The following NKD2 variants were observed in gnomAD, a reference collection of about 807,000 sequenced individuals.
NKD2 encodes the protein protein naked cuticle homolog 2.
NKD2 carries 43 observed loss-of-function variants against 34.8 expected under a neutral mutation model. The ratio of observed to expected loss-of-function variants is 1.24; its 90% CI spans 0.97 to 1.60. NKD2 has a LOEUF of 1.60. Among genes scored for constraint, NKD2 ranks in the 40% most tolerant of loss-of-function variants. The pLI is 0.00. For missense variants in NKD2, 675 were observed against 627.1 expected (o/e 1.08, Z -0.82); for synonymous variants, 278 against 265.1 (o/e 1.05, Z -0.47).
intron 8 of NKD2, chr5:1,035,967 C>T (rs1579277023): frequency 2.2e-6 from 1 of 459,364 alleles, no homozygotes; most frequent in Non-Finnish European, 3.6e-6. Flanking sequence ...TACAGTGGTC[C>T]CAGAGTGGTG....
chr5:1,009,225 G>A lies in NKD2; in HGVS notation c.61+11G>A. On this transcript the variant is annotated intron_variant, in intron 2 of 9. Transcript: ENST00000296849. This position sits in a 1 kb window ranked among gnomAD's most constrained non-coding sequence, Gnocchi z 6.9. ...GAGAGAGCCCGGAAGGTGAGCGGGC[G>A]AGCCGACGGGCGGGGCGGGGGGCGG... 1 of 505,318 alleles carries A rather than the reference G, an allele frequency of 2.0e-6. No individual in the cohort carries two copies. The highest frequency in any genetic ancestry group is 3.4e-6 in the Non-Finnish European group (1 of 290,348). The allele number at this position is 505,318 out of a possible 1,614,324, so 31.3% of individuals were successfully genotyped here. A position where few individuals can be genotyped will look rare whatever the true frequency, so the allele number is the denominator to read the frequency against.
intron 5 of NKD2, 144 bp from the exon 6 acceptor site, chr5:1,034,091 C>T: frequency 1.6e-6 from 1 of 628,598 alleles, no homozygotes; most frequent in East Asian, 2.7e-5. Context: ...GCTTGAGCTC[C>T]AGCCACGCTG....
At chr5:1,029,437 C>T (rs908813501) in intron 3 of NKD2, among the ~76,000 whole-genome samples, 9 of 152,110 alleles carry the variant, frequency 5.9e-5, no homozygotes, top group Non-Finnish European at 1.3e-4. Flanking sequence ...TGGTGTAGCG[C>T]GCGGAGCGTT....
At chr5:1,037,602 G>T in intron 9 of NKD2, 1 of 1,535,974 alleles carries the variant, frequency 6.5e-7, no homozygotes, top group Non-Finnish European at 8.7e-7. Flanking sequence ...TTTGCAGGGA[G>T]CTGTGGAGCC....
At chr5:1,016,166 G>T (rs907771308) in intron 3 of NKD2, among the ~76,000 whole-genome samples, 1 of 152,378 alleles carries the variant, frequency 6.6e-6, no homozygotes, top group South Asian at 2.1e-4. Flanking sequence ...GGGACACACG[G>T]TGCTGACCTG....
At chr5:1,019,040 C>T (rs905046562) in intron 3 of NKD2, among the ~76,000 whole-genome samples, 5 of 152,170 alleles carry the variant, frequency 3.3e-5, no homozygotes, top group Admixed American at 3.3e-4. Flanking sequence ...AAGGGCATAG[C>T]GACCAGGCCA....
chr5:1,038,239 C>T lies in NKD2; in HGVS notation c.1222C>T (p.His408Tyr). ...ACACGCTCAGCCTGCCACAGTGGAG[C>T]ACGAGGTGGTGCGGGACCTGCCGCC... ...APHAQPATVE[H>Y]EVVRDLPPTP... The change falls in exon 10 of 10, where the codon CAC (histidine) becomes TAC (tyrosine). Residue 408 changes from histidine to tyrosine, a missense_variant. By Grantham distance (83) the His-to-Tyr change is moderately conservative (BLOSUM62 2). Coordinates refer to ENST00000296849, the MANE Select transcript of NKD2 (RefSeq NM_033120.4). This position sits in a 1 kb window ranked among gnomAD's most constrained non-coding sequence, Gnocchi z 4.5. 2 of 1,590,160 alleles carry T rather than the reference C, an allele frequency of 1.3e-6. No individual in the cohort carries two copies. The highest frequency in any genetic ancestry group is 1.7e-6 in the Non-Finnish European group (2 of 1,171,072).
Position 1,038,579 on chromosome 5 carries a change from T to A in NKD2, c.*206T>A, listed in dbSNP as rs1403457016. On this transcript the variant is annotated 3_prime_UTR_variant, in exon 10 of 10. Coordinates refer to ENST00000296849, the MANE Select transcript of NKD2 (RefSeq NM_033120.4). The surrounding 1 kb of genome is among the most constrained non-coding windows in gnomAD (Gnocchi z 4.5). ...GACAAGGCCCAGGCGCCCTCTGCTC[T>A]TCTGCCCTCGATGCCACATGGCGGT... The A allele has an allele frequency of 2.0e-6, 2 of 1,009,152 alleles. No individual in the cohort carries two copies. The highest frequency in any genetic ancestry group is 2.6e-5 in the East Asian group (1 of 38,102). The allele number at this position is 1,009,152 out of a possible 1,614,324, so 62.5% of individuals were successfully genotyped here.
At chr5:1,037,480 C>G in intron 9 of NKD2, 4 of 1,521,910 alleles carry the variant, frequency 2.6e-6, no homozygotes, top group Non-Finnish European at 3.5e-6. Context: ...GGGCGCCCTC[C>G]CTGATATAAC....
intron 3 of NKD2, among the ~76,000 whole-genome samples, chr5:1,017,107 C>G (rs915686291): frequency 1.3e-5 from 2 of 152,238 alleles, no homozygotes; most frequent in African/African-American, 4.8e-5. Flanking sequence ...AGAGCCGACC[C>G]TATCCTACTT....
rs61420508 is a variant in NKD2, at chr5:1,013,908, C to T, written c.141+4348C>T. 9.1e-4 allele frequency among the ~76,000 whole-genome samples: 139 copies of T among 152,260 alleles called. 1 individual carries two copies. The highest frequency in any genetic ancestry group is 3.3e-3 in the African/African-American group (138 of 41,550). On this transcript the variant is annotated intron_variant, in intron 3 of 9. Transcript: ENST00000296849. ...CATCCTGAGAAGCCCTGCACATGGA[C>T]CAGGCAGGTGTCTGGATGGAGGCCC... is the stretch of plus-strand genomic sequence containing the variant.
chr5:1,028,324 C>A (rs568425693), intron 3 of NKD2, among the ~76,000 whole-genome samples: 3 of 152,164 alleles, frequency 2.0e-5, no homozygotes, highest in Non-Finnish European at 1.5e-5. Flanking sequence ...TTGTTGACGC[C>A]GTGTGACAGA....
intron 3 of NKD2, among the ~76,000 whole-genome samples, chr5:1,029,643 G>C (rs751098869): frequency 3.9e-5 from 6 of 152,152 alleles, no homozygotes; most frequent in African/African-American, 7.2e-5. Context: ...TGCGTGATGT[G>C]CTGTTTCTCA....
At position 1,036,400 on chromosome 5, in the gene NKD2, C is replaced by T. The variant is rs773791044; in HGVS notation, c.787+16C>T. The stretch of plus-strand genomic sequence containing the variant: ...TTCGGCCCTGGTAGGTCCTGGAGGC[C>T]ACCCTGGGCGTGAGGCCCTGGCTGT... On this transcript the variant is annotated intron_variant, in intron 9 of 9. Coordinates refer to ENST00000296849, the MANE Select transcript of NKD2 (RefSeq NM_033120.4). The T allele has an allele frequency of 2.2e-5, 35 of 1,607,340 alleles. No individual in the cohort carries two copies. The South Asian group carries it at 3.8e-4, about 17-fold the overall frequency.
chr5:1,018,816 C>T (rs528020690), intron 3 of NKD2, among the ~76,000 whole-genome samples: 17 of 152,252 alleles, frequency 1.1e-4, no homozygotes, highest in Non-Finnish European at 1.6e-4. Flanking sequence ...CAGGGGAAGC[C>T]GCCCCAGAGG....
intron 4 of NKD2, 147 bp from the exon 5 acceptor site, chr5:1,033,225 G>A (rs941782366): frequency 1.1e-4 from 83 of 788,962 alleles, no homozygotes; most frequent in African/African-American, 8.0e-4. Flanking sequence ...CCTCCCCTCC[G>A]CAGGGGTCCC....
chr5:1,036,441 G>T, intron 9 of NKD2, 57 bp downstream of exon 9: 2 of 1,501,632 alleles, frequency 1.3e-6, no homozygotes, highest in Non-Finnish European at 1.8e-6. Flanking sequence ...CCCATCGAAG[G>T]TCTTGATTCC....
intron 3 of NKD2, among the ~76,000 whole-genome samples, chr5:1,027,875 C>T (rs940272762): frequency 9.9e-5 from 15 of 152,228 alleles, no homozygotes; most frequent in South Asian, 8.3e-4. Flanking sequence ...GTGCCTGCAC[C>T]GGCACTTCCA....
intron 3 of NKD2, among the ~76,000 whole-genome samples, chr5:1,019,041 G>A (rs555376471): frequency 2.6e-5 from 4 of 152,292 alleles, no homozygotes; most frequent in South Asian, 2.1e-4. Flanking sequence ...AGGGCATAGC[G>A]ACCAGGCCAG....
Sources: gnomAD v4.1 joint callset for allele counts (sites outside exome capture counted in the v4.1 genomes callset) on GRCh38, gnomAD v4.1.1 for gene constraint, Gnocchi (gnomAD v3.1) non-coding constraint, MANE v1.5 for transcripts, NCBI Gene and HGNC (gene_info 2026-07-23, HGNC 2026-07-21) for gene names.